The following CYP27A1 variants were observed in gnomAD, a reference collection of about 807,000 sequenced individuals.
The protein encoded by CYP27A1 is sterol 26-hydroxylase, mitochondrial.
In CYP27A1, 46 loss-of-function variants were observed where a neutral mutation model predicts 58.2. That is an observed-to-expected ratio of 0.79 (90% confidence interval 0.62 to 1.01). The LOEUF (loss-of-function observed/expected upper bound fraction) is 1.01. Ranked by LOEUF, CYP27A1 falls within the 50% of genes least tolerant of loss-of-function variation. The pLI, the probability that CYP27A1 is intolerant of heterozygous loss-of-function variation, is 0.00. For missense variants in CYP27A1, 704 were observed against 687.0 expected (o/e 1.02, Z -0.28); for synonymous variants, 274 against 285.1 (o/e 0.96, Z 0.39).
At chr2:218,789,817 G>A (rs1356975778) in intron 1 of CYP27A1, among the ~76,000 whole-genome samples, 1 of 152,168 alleles carries the variant, frequency 6.6e-6, no homozygotes, top group Non-Finnish European at 1.5e-5. Flanking sequence ...GGAACCCACT[G>A]GGAAATAGCA....
chr2:218,799,717 T>C (rs533813088), intron 1 of CYP27A1, among the ~76,000 whole-genome samples: 2 of 152,288 alleles, frequency 1.3e-5, no homozygotes, highest in South Asian at 4.2e-4. Flanking sequence ...CTTTTTTTTT[T>C]CTGGAGAATC....
chr2:218,811,020 A>G (rs1264269134), intron 2 of CYP27A1, among the ~76,000 whole-genome samples: 1 of 152,056 alleles, frequency 6.6e-6, no homozygotes, highest in Non-Finnish European at 1.5e-5. Flanking sequence ...GTGTGGTGGC[A>G]TGCACCTGTA....
At position 218,782,380 on chromosome 2, in the gene CYP27A1, G is replaced by A; in HGVS notation, c.198G>A (p.Leu66=). The A allele has an allele frequency of 6.2e-7, 1 of 1,614,216 alleles. No individual in the cohort carries two copies. The highest frequency in any genetic ancestry group is 8.5e-7 in the Non-Finnish European group (1 of 1,179,998). ...AGGAGATTCCACGTCTAGGACAGCT[G>A]CGCTTCTTCTTTCAGCTGTTCGTTC... ...SLEEIPRLGQ[L]RFFFQLFVQG... The change falls in exon 1 of 9, where the codon CTG becomes CTA. Residue 66 remains leucine (L), a synonymous_variant. Coordinates refer to ENST00000258415, the MANE Select transcript of CYP27A1 (RefSeq NM_000784.4). The surrounding 1 kb of genome is among the most constrained non-coding windows in gnomAD (Gnocchi z 4.1).
In CYP27A1 at chr2:218,782,213, T is replaced by TG; in HGVS notation, c.34dup (p.Ala12GlyfsTer169). The TG allele has an allele frequency of 6.5e-7, 1 of 1,539,718 alleles. No individual in the cohort carries two copies. Among genetic ancestry groups the TG allele is most frequent in the Non-Finnish European group, 8.7e-7 (1 of 1,145,926 alleles). On this transcript the variant is annotated frameshift_variant, in exon 1 of 9. Transcript: ENST00000258415. LOFTEE classifies it high-confidence loss of function. The surrounding 1 kb of genome is among the most constrained non-coding windows in gnomAD (Gnocchi z 4.1). ...TGCGCTGGGCTGCGCGAGGCTGAGG[T>TG]GGGCGCTGCGAGGGGCCGGCCGTGG...
intron 1 of CYP27A1, among the ~76,000 whole-genome samples, chr2:218,797,554 C>T (rs1344274057): frequency 3.3e-5 from 5 of 152,282 alleles, no homozygotes; most frequent in African/African-American, 1.2e-4. Context: ...TCCTGTTTAC[C>T]TTTTCCAGAG....
intron 1 of CYP27A1, among the ~76,000 whole-genome samples, chr2:218,802,805 ATCTTT>A (rs1943612095): frequency 6.6e-6 from 1 of 152,156 alleles, no homozygotes; most frequent in African/African-American, 2.4e-5. Context: ...GATGTTGAAC[ATCTTT>A]TCTTGTGGTT....
At chr2:218,802,510 T>TTC in intron 1 of CYP27A1, among the ~76,000 whole-genome samples, 1 of 152,316 alleles carries the variant, frequency 6.6e-6, no homozygotes, top group Non-Finnish European at 1.5e-5. Flanking sequence ...TGGAACGTTG[T>TTC]TCTAGCAGCT....
rs2106479364 is a variant in CYP27A1 at position 218,782,966 on chromosome 2, T to C, written c.255+529T>C. ...AAAGGTACTTTTTGTTATTAAGAAA[T>C]CAGTCTGAGGCCGGGTGCAGTGGCT... On this transcript the variant is annotated intron_variant, in intron 1 of 8. Coordinates refer to ENST00000258415, the MANE Select transcript of CYP27A1 (RefSeq NM_000784.4). This position sits in a 1 kb window ranked among gnomAD's most constrained non-coding sequence, Gnocchi z 4.1. 6.6e-6 allele frequency among the ~76,000 whole-genome samples: 1 copy of C among 152,068 alleles called. No homozygotes were observed. The highest frequency in any genetic ancestry group is 1.9e-4 in the East Asian group (1 of 5,180).
At chr2:218,787,095 T>A (rs991893707) in intron 1 of CYP27A1, among the ~76,000 whole-genome samples, 5 of 152,222 alleles carry the variant, frequency 3.3e-5, no homozygotes. Context: ...CTGGCCATCA[T>A]GTATCTTGTT....
chr2:218,789,431 GGAA>G (rs1477177913), intron 1 of CYP27A1, among the ~76,000 whole-genome samples: 3 of 152,212 alleles, frequency 2.0e-5, no homozygotes, highest in East Asian at 3.8e-4. Flanking sequence ...GCCATGTGGT[GGAA>G]GAAGATGTAT....
Position 218,814,979 on chromosome 2 carries a change from C to T in CYP27A1, c.1545C>T (p.Val515=). 1 of 1,614,188 alleles carries T rather than the reference C, an allele frequency of 6.2e-7. No homozygotes were observed. The highest frequency in any genetic ancestry group is 8.5e-7 in the Non-Finnish European group (1 of 1,180,026). The change falls in exon 9 of 9, where the codon GTC becomes GTT. Residue 515 remains valine, a synonymous_variant. Transcript: ENST00000258415. The part of the protein sequence containing the change: ...TGELKSVARI[V]LVPNKKVGLQ... ...AGTTGAAGAGTGTGGCCCGCATTGT[C>T]CTGGTTCCCAATAAGAAAGTGGGCC... is the stretch of plus-strand genomic sequence containing the variant.
chr2:218,790,965 T>C (rs1943486887), intron 1 of CYP27A1, among the ~76,000 whole-genome samples: 1 of 152,110 alleles, frequency 6.6e-6, no homozygotes, highest in Non-Finnish European at 1.5e-5. Context: ...CCTCCCAAAG[T>C]GCTGGGATTA....
intron 1 of CYP27A1, among the ~76,000 whole-genome samples, chr2:218,790,453 C>G (rs1943481173): frequency 6.6e-6 from 1 of 152,330 alleles, no homozygotes; most frequent in African/African-American, 2.4e-5. Context: ...AAAGAATCAG[C>G]TAAAGACTCT....
At position 218,813,107 on chromosome 2, in the gene CYP27A1, G is replaced by C. The variant is rs766039123; in HGVS notation, c.1017+11G>C. On this transcript the variant is annotated intron_variant, in intron 5 of 8. Transcript: ENST00000258415. ...GCTGGAGTGGACACGGTGCGTGAAG[G>C]GGGAGGGTGAGACCAGGGGCCCCCA... 14 of 1,602,462 alleles carry C rather than the reference G, an allele frequency of 8.7e-6. No homozygotes were observed. The highest frequency in any genetic ancestry group is 6.7e-5 in the African/African-American group (5 of 74,470).
intron 1 of CYP27A1, among the ~76,000 whole-genome samples, chr2:218,791,835 C>T (rs982411135): frequency 2.6e-5 from 4 of 152,142 alleles, no homozygotes; most frequent in Non-Finnish European, 2.9e-5. Flanking sequence ...TGAAAATACA[C>T]GGTGGCATGA....
Position 218,799,993 on chromosome 2 carries a change from C to T in CYP27A1, c.256-9584C>T, listed in dbSNP as rs748667241. Among the ~76,000 whole-genome samples the T allele has an allele frequency of 5.3e-5, 8 of 151,982 alleles. 1 individual carries two copies. The highest frequency in any genetic ancestry group is 9.7e-5 in the African/African-American group (4 of 41,384). On this transcript the variant is annotated intron_variant, in intron 1 of 8. Transcript: ENST00000258415. Reference sequence around the variant, plus strand: ...TCTGCCCTAGTCCTGTTCATCTTGACGGGGGTAAGATCTTGCCAAAACACA... The same window carrying T: ...TCTGCCCTAGTCCTGTTCATCTTGATGGGGGTAAGATCTTGCCAAAACACA...
chr2:218,787,423 T>A (rs1943450921), intron 1 of CYP27A1, among the ~76,000 whole-genome samples: 1 of 152,232 alleles, frequency 6.6e-6, no homozygotes, highest in Admixed American at 6.5e-5. Flanking sequence ...TGTCATCACA[T>A]TCAGCATGGG....
intron 1 of CYP27A1, among the ~76,000 whole-genome samples, chr2:218,790,596 T>C (rs1404106156): frequency 6.6e-6 from 1 of 152,252 alleles, no homozygotes; most frequent in Non-Finnish European, 1.5e-5. Context: ...AGCAATTCTA[T>C]TATTTAGCAT....
chr2:218,782,335 G>A lies in CYP27A1; in HGVS notation c.153G>A (p.Arg51=). 1 of 1,613,620 alleles carries A rather than the reference G, an allele frequency of 6.2e-7. No individual in the cohort carries two copies. The highest frequency in any genetic ancestry group is 8.5e-7 in the Non-Finnish European group (1 of 1,179,758). ...CTCCCGGAGCCGGGCCTGGTGTCCG[G>A]CGGCGGCAACGGAGCTTAGAGGAGA... ...TGAPGAGPGV[R]RRQRSLEEIP... The change falls in exon 1 of 9, where the codon CGG becomes CGA. Residue 51 remains arginine (R), a synonymous_variant. Transcript: ENST00000258415. This position sits in a 1 kb window ranked among gnomAD's most constrained non-coding sequence, Gnocchi z 4.1.
Sources: allele counts gnomAD v4.1 joint callset (sites outside exome capture counted in the v4.1 genomes callset), GRCh38; gene constraint gnomAD v4.1.1; non-coding constraint Gnocchi (gnomAD v3.1); transcripts MANE v1.5; gene names NCBI Gene and HGNC (gene_info 2026-07-23, HGNC 2026-07-21).